The following SULF1 variants were observed in gnomAD, a reference collection of about 807,000 sequenced individuals.
SULF1 encodes the protein sulfatase 1.
In SULF1, 46 loss-of-function variants were observed where a neutral mutation model predicts 110.5. That is an observed-to-expected ratio of 0.42 (90% confidence interval 0.33 to 0.53). SULF1 has a LOEUF of 0.53. SULF1 is among the 20% of genes least tolerant of loss of function. The probability of loss-of-function intolerance (pLI) is 0.12; values close to 1 mark genes in which losing one functional copy is unlikely to be tolerated. For synonymous variants in SULF1, 371 were observed against 387.1 expected, an observed-to-expected ratio of 0.96 and a Z score of 0.49; for missense variants, 941 against 1,094.2, an observed-to-expected ratio of 0.86 and a Z score of 1.98.
chr8:69,603,667 G>T lies in SULF1; in HGVS notation c.1247+11G>T, dbSNP rs367720754. ...CCTAGTGGAAAGAGGGTAATTATTG[G>T]TTCCTGGGGTGCTTCTGGGAACCAG... On this transcript the variant is annotated intron_variant, in intron 12 of 22. Coordinates refer to ENST00000402687, the MANE Select transcript of SULF1 (RefSeq NM_001128205.2). 2.5e-6 allele frequency: 4 copies of T among 1,606,564 alleles called. No individual in the cohort carries two copies. In the African/African-American group the frequency reaches 5.4e-5, roughly 21 times the overall value.
chr8:69,583,973 G>C (rs1806266177), intron 6 of SULF1, among the ~76,000 whole-genome samples: 2 of 152,198 alleles, frequency 1.3e-5, no homozygotes, highest in African/African-American at 4.8e-5. Context: ...AGAGCAAATA[G>C]AGGAAACATT....
chr8:69,654,142 G>A (rs1361409704), intron 22 of SULF1, among the ~76,000 whole-genome samples: 3 of 152,174 alleles, frequency 2.0e-5, no homozygotes, highest in Non-Finnish European at 1.5e-5. Flanking sequence ...CCTGTTCTGA[G>A]CCTTTTTCAA....
chr8:69,482,643 A>C (rs1021582421), intron 1 of SULF1, among the ~76,000 whole-genome samples: 4 of 151,720 alleles, frequency 2.6e-5, no homozygotes, highest in African/African-American at 9.8e-5. Context: ...CATTGGGGCA[A>C]GTCGTTAACC....
intron 2 of SULF1, among the ~76,000 whole-genome samples, chr8:69,497,214 G>A (rs926955789): frequency 1.1e-4 from 16 of 144,362 alleles, no homozygotes; most frequent in African/African-American, 2.6e-4. Context: ...CTGGAGTGCC[G>A]TGGTACAATC....
intron 3 of SULF1, among the ~76,000 whole-genome samples, chr8:69,536,495 T>C (rs1813437064): frequency 6.6e-6 from 1 of 152,204 alleles, no homozygotes; most frequent in Admixed American, 6.5e-5. Flanking sequence ...TTGCAGCCTG[T>C]TGTTTGTGTT....
At chr8:69,608,406 ACGGTGG>A (rs1808390448) in intron 13 of SULF1, among the ~76,000 whole-genome samples, 1 of 152,240 alleles carries the variant, frequency 6.6e-6, no homozygotes, top group African/African-American at 2.4e-5. Flanking sequence ...GAGGCCGGGC[ACGGTGG>A]CTGATGCCTA....
chr8:69,577,983 AAG>A (rs1173168034), intron 6 of SULF1, among the ~76,000 whole-genome samples: 2 of 152,134 alleles, frequency 1.3e-5, no homozygotes, highest in Non-Finnish European at 2.9e-5. Flanking sequence ...AACAGAAACA[AAG>A]AGTAGGACTA....
chr8:69,580,941 T>A (rs1211863412), intron 6 of SULF1, among the ~76,000 whole-genome samples: 2 of 152,206 alleles, frequency 1.3e-5, no homozygotes, highest in Non-Finnish European at 2.9e-5. Context: ...ATATGAGATT[T>A]TTTAAATGTA....
chr8:69,627,437 AGTT>A, intron 16 of SULF1, 131 bp downstream of exon 16: 3 of 675,832 alleles, frequency 4.4e-6, no homozygotes, highest in South Asian at 2.0e-5. Flanking sequence ...AAAAAAAAAA[AGTT>A]ATTTGTCTTT....
chr8:69,649,889 G>A (rs754604772), intron 22 of SULF1, among the ~76,000 whole-genome samples: 3 of 143,688 alleles, frequency 2.1e-5, no homozygotes, highest in Non-Finnish European at 4.5e-5. Context: ...AGGCATTCAC[G>A]ATTCATTTCT....
intron 19 of SULF1, 104 bp downstream of exon 19, chr8:69,629,783 A>G: frequency 3.8e-6 from 4 of 1,043,908 alleles, no homozygotes; most frequent in Non-Finnish European, 5.6e-6. Flanking sequence ...ACAAAGATTC[A>G]AGAGAAAGGC....
chr8:69,502,515 A>T (rs190127958), intron 3 of SULF1, among the ~76,000 whole-genome samples: 3 of 152,202 alleles, frequency 2.0e-5, no homozygotes, highest in Non-Finnish European at 4.4e-5. Context: ...GTTTGGGTTC[A>T]TATGAGGGTA....
intron 3 of SULF1, among the ~76,000 whole-genome samples, chr8:69,519,621 A>G (rs1812157729): frequency 6.6e-6 from 1 of 152,160 alleles, no homozygotes; most frequent in Non-Finnish European, 1.5e-5. Flanking sequence ...GTTATTCTAG[A>G]ATAAAAAGTA....
At chr8:69,543,555 G>A (rs967764038) in intron 3 of SULF1, among the ~76,000 whole-genome samples, 19 of 152,120 alleles carry the variant, frequency 1.2e-4, no homozygotes, top group African/African-American at 4.6e-4. Context: ...ACATGATCTT[G>A]TTCTTTTTTA....
At chr8:69,539,695 CAG>C (rs1333187798) in intron 3 of SULF1, among the ~76,000 whole-genome samples, 4 of 152,120 alleles carry the variant, frequency 2.6e-5, no homozygotes, top group African/African-American at 4.8e-5. Flanking sequence ...CGGGGAGGGA[CAG>C]GGAATTTCTA....
At chr8:69,594,208 C>T (rs1264470399) in intron 8 of SULF1, among the ~76,000 whole-genome samples, 2 of 152,130 alleles carry the variant, frequency 1.3e-5, no homozygotes, top group Non-Finnish European at 2.9e-5. Context: ...TGCGCCACCA[C>T]GCTCGGCTAA....
intron 8 of SULF1, among the ~76,000 whole-genome samples, chr8:69,598,320 G>A (rs1381303127): frequency 1.3e-5 from 2 of 152,142 alleles, no homozygotes; most frequent in African/African-American, 2.4e-5. Flanking sequence ...CTCTGTTCTA[G>A]GCATTTTAAG....
At chr8:69,487,057 C>T (rs894614856) in intron 1 of SULF1, among the ~76,000 whole-genome samples, 4 of 152,168 alleles carry the variant, frequency 2.6e-5, no homozygotes, top group Non-Finnish European at 5.9e-5. Context: ...CTTGAAAGAT[C>T]GTTTCCAGAT....
chr8:69,558,341 C>T (rs931848524), intron 3 of SULF1, among the ~76,000 whole-genome samples: 5 of 152,198 alleles, frequency 3.3e-5, no homozygotes, highest in South Asian at 2.1e-4. Flanking sequence ...ACTGCATAAT[C>T]TCCCCTGCCC....
Sources: allele counts gnomAD v4.1 joint callset (sites outside exome capture counted in the v4.1 genomes callset), GRCh38; gene constraint gnomAD v4.1.1; transcripts MANE v1.5; gene names NCBI Gene and HGNC (gene_info 2026-07-23, HGNC 2026-07-21).